Variants in PTPRK observed in about 807,000 individuals in gnomAD.
PTPRK encodes receptor-type tyrosine-protein phosphatase kappa.
In PTPRK, 75 loss-of-function variants were observed where a neutral mutation model predicts 178.0. That is an observed-to-expected ratio of 0.42 (90% confidence interval 0.35 to 0.51). The LOEUF (loss-of-function observed/expected upper bound fraction) is 0.51, where lower values mean the gene tolerates loss of function less well. Ranked by LOEUF, PTPRK falls within the 20% of genes least tolerant of loss-of-function variation. The pLI, the probability that PTPRK is intolerant of heterozygous loss-of-function variation, is 0.02. For synonymous variants in PTPRK, 637 were observed against 620.6 expected, an observed-to-expected ratio of 1.03 and a Z score of -0.39; for missense variants, 1,441 against 1,797.8, an observed-to-expected ratio of 0.80 and a Z score of 3.59.
At chr6:127,992,591 A>C in intron 19 of PTPRK, 82 bp downstream of exon 19, 5 of 1,238,366 alleles carry the variant, frequency 4.0e-6, no homozygotes, top group Non-Finnish European at 5.7e-6. Flanking sequence ...CTAAGATAAA[A>C]TTTAAAAAAT....
chr6:128,071,587 C>T (rs1240680612), intron 11 of PTPRK, among the ~76,000 whole-genome samples: 1 of 152,000 alleles, frequency 6.6e-6, no homozygotes, highest in East Asian at 1.9e-4. Context: ...TCAAAATTCT[C>T]TAGTGGCATT....
intron 2 of PTPRK, among the ~76,000 whole-genome samples, chr6:128,343,723 T>C (rs1328965388): frequency 2.6e-5 from 4 of 152,244 alleles, no homozygotes; most frequent in African/African-American, 9.6e-5. Flanking sequence ...AGCTGTTAAA[T>C]GCTTTATCCA....
chr6:128,144,086 T>C (rs551991298), intron 7 of PTPRK, among the ~76,000 whole-genome samples: 1 of 152,278 alleles, frequency 6.6e-6, no homozygotes, highest in South Asian at 2.1e-4. Context: ...CAGAAGAGAA[T>C]ATCCTCATTG....
In PTPRK at chr6:127,976,726, C is replaced by T. The variant is rs763674531; in HGVS notation, c.3900G>A (p.Val1300=). 4.0e-5 allele frequency: 65 copies of T among 1,613,724 alleles called. No individual in the cohort carries two copies. The highest frequency in any genetic ancestry group is 5.0e-5 in the Admixed American group (3 of 59,976). Residue 1300 remains valine (V), a synonymous_variant, in exon 27 of 30, where the codon GTG becomes GTA. Transcript: ENST00000368226. ...AGTCCATTGAACAAGACATACATTC[C>T]ACTTGGATGGGGCCATATCGTAGCA... ...EGMLRYGPIQ[V]ECMSCSMDCD...
At chr6:128,361,639 AC>A (rs1213000714) in intron 2 of PTPRK, among the ~76,000 whole-genome samples, 1 of 152,024 alleles carries the variant, frequency 6.6e-6, no homozygotes, top group Non-Finnish European at 1.5e-5. Flanking sequence ...TACAATATAA[AC>A]CTGTACAGCA....
intron 2 of PTPRK, among the ~76,000 whole-genome samples, chr6:128,339,724 G>C (rs2128330359): frequency 6.6e-6 from 1 of 152,192 alleles, no homozygotes; most frequent in Admixed American, 6.5e-5. Flanking sequence ...ATAAATGAGA[G>C]TCTAACAAGT....
At chr6:128,320,725 C>A (rs1208444995) in intron 3 of PTPRK, among the ~76,000 whole-genome samples, 1 of 152,044 alleles carries the variant, frequency 6.6e-6, no homozygotes, top group Non-Finnish European at 1.5e-5. Context: ...TGACAGCCAT[C>A]AACCCACTTT....
intron 7 of PTPRK, among the ~76,000 whole-genome samples, chr6:128,107,807 G>T (rs1306432523): frequency 6.6e-6 from 1 of 152,096 alleles, no homozygotes; most frequent in Non-Finnish European, 1.5e-5. Flanking sequence ...CTGCATCATT[G>T]GACAAGGATT....
intron 3 of PTPRK, among the ~76,000 whole-genome samples, chr6:128,245,650 T>A (rs1457143366): frequency 6.6e-6 from 1 of 152,206 alleles, no homozygotes; most frequent in East Asian, 1.9e-4. Context: ...GAATGCTTCA[T>A]GATGGAAGGG....
At chr6:128,042,227 T>C (rs1187793468) in intron 13 of PTPRK, among the ~76,000 whole-genome samples, 1 of 152,050 alleles carries the variant, frequency 6.6e-6, no homozygotes, top group Non-Finnish European at 1.5e-5. Context: ...TGTTTTTAGA[T>C]ATCAATTACA....
At chr6:128,256,339 C>A (rs1269114443) in intron 3 of PTPRK, among the ~76,000 whole-genome samples, 1 of 151,910 alleles carries the variant, frequency 6.6e-6, no homozygotes, top group Non-Finnish European at 1.5e-5. Context: ...GCTAGGGATA[C>A]GAAGATGGAT....
At chr6:128,062,624 A>G (rs1286106044) in intron 13 of PTPRK, 1 of 166,920 alleles carries the variant, frequency 6.0e-6, no homozygotes, top group East Asian at 1.9e-4. Context: ...TAATGATAAG[A>G]TAGTTAACAC....
chr6:128,224,970 T>G (rs999011245), intron 5 of PTPRK, among the ~76,000 whole-genome samples: 1 of 152,172 alleles, frequency 6.6e-6, no homozygotes. Context: ...TTTGGACTTT[T>G]TGTTAAATGA....
At chr6:128,182,497 G>A (rs1193920928) in intron 7 of PTPRK, among the ~76,000 whole-genome samples, 1 of 151,912 alleles carries the variant, frequency 6.6e-6, no homozygotes, top group Non-Finnish European at 1.5e-5. Flanking sequence ...TTGCTTGAAC[G>A]CAGGAGGCAG....
chr6:127,973,963 C>T, intron 27 of PTPRK, 136 bp from the exon 28 acceptor site: 1 of 762,880 alleles, frequency 1.3e-6, no homozygotes. Context: ...TCAATATGTA[C>T]ATGCTAGTAA....
intron 13 of PTPRK, among the ~76,000 whole-genome samples, chr6:128,019,552 AT>A (rs1216299609): frequency 2.0e-5 from 3 of 148,714 alleles, no homozygotes; most frequent in East Asian, 4.0e-4. Flanking sequence ...AAAAAAAAAA[AT>A]ACATGTTCCA....
intron 7 of PTPRK, among the ~76,000 whole-genome samples, chr6:128,169,022 T>C (rs1299872526): frequency 6.6e-6 from 1 of 152,084 alleles, no homozygotes; most frequent in Non-Finnish European, 1.5e-5. Flanking sequence ...GAATCTTTTT[T>C]TCTTGAAGTC....
At chr6:127,972,284 T>G (rs1774016028) in intron 29 of PTPRK, among the ~76,000 whole-genome samples, 1 of 152,252 alleles carries the variant, frequency 6.6e-6, no homozygotes, top group South Asian at 2.1e-4. Context: ...TTTACTTTTC[T>G]GTGAGCATAC....
intron 3 of PTPRK, among the ~76,000 whole-genome samples, chr6:128,292,117 G>A (rs1303461579): frequency 2.0e-5 from 3 of 152,012 alleles, no homozygotes; most frequent in Non-Finnish European, 4.4e-5. Context: ...GTATCAATAA[G>A]ATAGATTACT....
Sources: allele counts gnomAD v4.1 joint callset (sites outside exome capture counted in the v4.1 genomes callset), GRCh38; gene constraint gnomAD v4.1.1; transcripts MANE v1.5; gene names NCBI Gene and HGNC (gene_info 2026-07-23, HGNC 2026-07-21).